Variants in OLA1 observed in about 807,000 individuals in gnomAD.
OLA1 encodes the protein obg-like ATPase 1.
OLA1 carries 14 observed loss-of-function variants against 48.4 expected under a neutral mutation model. The observed-to-expected ratio is 0.29, with a 90% CI of 0.19 to 0.45. The LOEUF is 0.45. Ranked by LOEUF, OLA1 falls within the 20% of genes least tolerant of loss-of-function variation. The pLI is 1.00. For missense variants in OLA1, 325 were observed against 467.1 expected, an observed-to-expected ratio of 0.70 and a Z score of 2.80; for synonymous variants, 127 against 150.4, an observed-to-expected ratio of 0.84 and a Z score of 1.14.
At chr2:174,085,086 TAGG>T (rs1465732455) in intron 7 of OLA1, among the ~76,000 whole-genome samples, 1 of 152,172 alleles carries the variant, frequency 6.6e-6, no homozygotes, top group African/African-American at 2.4e-5. Flanking sequence ...TCCTCAGTCT[TAGG>T]AGTAACAAAT....
chr2:174,187,555 T>C (rs948635237), intron 4 of OLA1, among the ~76,000 whole-genome samples: 1 of 152,302 alleles, frequency 6.6e-6, no homozygotes, highest in East Asian at 1.9e-4. Context: ...ATGCTCACTG[T>C]AGGGAAGCTG....
At chr2:174,076,414 C>T (rs1462247356) in intron 10 of OLA1, among the ~76,000 whole-genome samples, 1 of 152,146 alleles carries the variant, frequency 6.6e-6, no homozygotes, top group Non-Finnish European at 1.5e-5. Flanking sequence ...ACTTGAGGAT[C>T]TTTTGGGGGA....
At chr2:174,132,098 T>C (rs1457657444) in intron 5 of OLA1, among the ~76,000 whole-genome samples, 1 of 152,018 alleles carries the variant, frequency 6.6e-6, no homozygotes, top group Non-Finnish European at 1.5e-5. Flanking sequence ...TCTTAAGCAG[T>C]CTTTTAAATT....
chr2:174,216,951 G>A (rs375681648), intron 4 of OLA1, among the ~76,000 whole-genome samples: 2 of 152,154 alleles, frequency 1.3e-5, no homozygotes, highest in East Asian at 1.9e-4. Context: ...TATATTACTT[G>A]TAAGGCTTCC....
chr2:174,130,204 C>T (rs895818127), intron 5 of OLA1, among the ~76,000 whole-genome samples: 1 of 152,124 alleles, frequency 6.6e-6, no homozygotes, highest in Admixed American at 6.5e-5. Flanking sequence ...GCATTTGTTG[C>T]TCTACTAGAT....
chr2:174,158,989 T>C (rs993445796), intron 4 of OLA1, among the ~76,000 whole-genome samples: 5 of 152,250 alleles, frequency 3.3e-5, no homozygotes, highest in African/African-American at 9.6e-5. Flanking sequence ...CTGTATGTTA[T>C]GTATTCATCT....
At chr2:174,082,868 GA>G (rs775269704) in intron 7 of OLA1, among the ~76,000 whole-genome samples, 7 of 152,094 alleles carry the variant, frequency 4.6e-5, no homozygotes, top group Admixed American at 1.3e-4. Flanking sequence ...TAAGTGTAGT[GA>G]ATATATTAAT....
At chr2:174,126,590 G>C (rs1686049657) in intron 5 of OLA1, among the ~76,000 whole-genome samples, 1 of 152,192 alleles carries the variant, frequency 6.6e-6, no homozygotes, top group African/African-American at 2.4e-5. Flanking sequence ...GCTTAAGCAT[G>C]GGAATAAATC....
intron 4 of OLA1, among the ~76,000 whole-genome samples, chr2:174,197,958 A>G (rs1450599949): frequency 1.3e-5 from 2 of 152,208 alleles, no homozygotes; most frequent in African/African-American, 2.4e-5. Context: ...CACATTTGCA[A>G]TAAAGGTTTG....
chr2:174,099,956 T>C (rs959696621), intron 7 of OLA1, among the ~76,000 whole-genome samples: 1 of 152,184 alleles, frequency 6.6e-6, no homozygotes, highest in Non-Finnish European at 1.5e-5. Flanking sequence ...ATGAAAACAA[T>C]ATATCACTAT....
intron 2 of OLA1, among the ~76,000 whole-genome samples, chr2:174,241,957 C>T (rs1228289349): frequency 2.0e-5 from 3 of 152,198 alleles, no homozygotes; most frequent in Non-Finnish European, 4.4e-5. Context: ...AATTTTTAAC[C>T]AAACATGTGG....
chr2:174,169,319 T>A (rs1392854186), intron 4 of OLA1, among the ~76,000 whole-genome samples: 2 of 152,112 alleles, frequency 1.3e-5, no homozygotes, highest in Admixed American at 6.6e-5. Flanking sequence ...GAAGCATTAA[T>A]GAATAAAAAT....
intron 4 of OLA1, among the ~76,000 whole-genome samples, chr2:174,164,408 A>T (rs898500296): frequency 1.9e-5 from 1 of 54,014 alleles, no homozygotes; most frequent in Non-Finnish European, 3.4e-5. Context: ...TGATCCCACG[A>T]AACGGTTTAA....
chr2:174,166,437 C>A (rs548292777), intron 4 of OLA1, among the ~76,000 whole-genome samples: 1 of 152,166 alleles, frequency 6.6e-6, no homozygotes, highest in East Asian at 1.9e-4. Flanking sequence ...CTGTGGGAGT[C>A]GCAGTACTGG....
chr2:174,201,801 A>T (rs1289902297), intron 4 of OLA1, among the ~76,000 whole-genome samples: 1 of 152,250 alleles, frequency 6.6e-6, no homozygotes, highest in Non-Finnish European at 1.5e-5. Context: ...AATGGGAAAG[A>T]AAGAAGATAA....
chr2:174,235,418 TC>T (rs1688826522), intron 2 of OLA1, among the ~76,000 whole-genome samples: 2 of 152,138 alleles, frequency 1.3e-5, no homozygotes, highest in African/African-American at 2.4e-5. Flanking sequence ...GAGTTTTGCT[TC>T]CCCTCTGCTA....
chr2:174,105,367 C>T (rs532046867), intron 7 of OLA1, among the ~76,000 whole-genome samples: 17 of 151,968 alleles, frequency 1.1e-4, no homozygotes, highest in South Asian at 2.1e-4. Context: ...CTTTTAAATA[C>T]GAAGATGGCA....
At chr2:174,190,719 T>G (rs1177512088) in intron 4 of OLA1, among the ~76,000 whole-genome samples, 1 of 151,914 alleles carries the variant, frequency 6.6e-6, no homozygotes, top group East Asian at 1.9e-4. Context: ...AGCATTCCTA[T>G]TTTAGTACAT....
chr2:174,247,781 G>A (rs1689159748), intron 1 of OLA1: 2 of 1,550,102 alleles, frequency 1.3e-6, no homozygotes, highest in African/African-American at 2.7e-5. Flanking sequence ...TATTTCTAAT[G>A]GTAAATTAAT....
Sources: allele counts gnomAD v4.1 joint callset (sites outside exome capture counted in the v4.1 genomes callset), GRCh38; gene constraint gnomAD v4.1.1; transcripts MANE v1.5; gene names NCBI Gene and HGNC (gene_info 2026-07-23, HGNC 2026-07-21).